JAK1: variants seen among roughly 807,000 people sequenced by gnomAD.
JAK1 encodes Janus kinase 1.
A neutral mutation model predicts 136.6 loss-of-function variants in JAK1; 16 were observed. That is an observed-to-expected ratio of 0.12 (90% CI 0.08 to 0.18). The LOEUF (loss-of-function observed/expected upper bound fraction) is 0.18. Among genes scored for constraint, JAK1 ranks in the 10% least tolerant of loss-of-function variants. JAK1 has a pLI of 1.00. For synonymous variants in JAK1, 492 were observed against 519.5 expected, an observed-to-expected ratio of 0.95 and a Z score of 0.72; for missense variants, 859 against 1,450.1, an observed-to-expected ratio of 0.59 and a Z score of 6.62.
intron 2 of JAK1, among the ~76,000 whole-genome samples, chr1:64,975,086 GT>G (rs111582090): frequency 4.4e-4 from 64 of 145,898 alleles, no homozygotes; most frequent in East Asian, 2.0e-3. Flanking sequence ...ATTTTGTATA[GT>G]TTTTTTTTTT....
In JAK1 at chr1:64,867,091, G is replaced by A; in HGVS notation, c.765C>T (p.Thr255=). 1 of 1,613,982 alleles carries A rather than the reference G, an allele frequency of 6.2e-7. No individual in the cohort carries two copies. Among genetic ancestry groups the A allele is most frequent in the East Asian group, 2.2e-5 (1 of 44,880 alleles). The change falls in exon 7 of 25, where the codon ACC becomes ACT. Residue 255 remains threonine (T), a synonymous_variant. Transcript: ENST00000342505. ...KDFLKEFNNK[T]ICDSSVSTHD... ...GCGTGGACACGCTGCTGTCACAAAT[G>A]GTCTTGTTGTTAAATTCCTTTAGGA... is the stretch of plus-strand genomic sequence containing the variant.
chr1:64,913,683 G>GGGAGAAAGGAAGGAAA (rs1645332535), intron 1 of JAK1, among the ~76,000 whole-genome samples: 5 of 38,026 alleles, frequency 1.3e-4, no homozygotes, highest in African/African-American at 4.1e-4. Context: ...AAGGAAGGAA[G>GGGAGAAAGGAAGGAAA]GAAGGAAGGA....
chr1:64,986,160 C>T, intron 2 of JAK1: 1 of 477,580 alleles, frequency 2.1e-6, no homozygotes, highest in Non-Finnish European at 3.7e-6. Context: ...GCCTGGAGTG[C>T]AGTGGGGCGA....
chr1:64,852,831 G>T (rs2780900), intron 11 of JAK1, among the ~76,000 whole-genome samples: 19,009 of 152,112 alleles, frequency 0.12, 1,471 homozygotes, highest in African/African-American at 0.21. Flanking sequence ...GCCCGGTATG[G>T]AGTAAAACGC....
At chr1:64,849,284 G>T (rs1655437985) in intron 12 of JAK1, among the ~76,000 whole-genome samples, 1 of 152,072 alleles carries the variant, frequency 6.6e-6, no homozygotes, top group South Asian at 2.1e-4. Context: ...CAAACTCCTG[G>T]CCTTATGCAA....
intron 2 of JAK1, among the ~76,000 whole-genome samples, chr1:64,975,304 T>C (rs1339887132): frequency 1.3e-5 from 2 of 152,192 alleles, no homozygotes; most frequent in Non-Finnish European, 2.9e-5. Context: ...CTGTCATTGG[T>C]ATGGAAAGCC....
intron 17 of JAK1, among the ~76,000 whole-genome samples, chr1:64,843,062 T>G (rs1655007775): frequency 6.6e-6 from 1 of 151,922 alleles, no homozygotes; most frequent in East Asian, 1.9e-4. Flanking sequence ...TCCAAGCCCC[T>G]CCCTCCTCCA....
chr1:65,043,285 G>A (rs1197976426), intron 2 of JAK1, among the ~76,000 whole-genome samples: 1 of 152,152 alleles, frequency 6.6e-6, no homozygotes, highest in Non-Finnish European at 1.5e-5. Flanking sequence ...TGGAGTCTCA[G>A]AGATATGAAG....
chr1:64,987,743 T>C (rs1396818338), intron 2 of JAK1: 1 of 152,218 alleles, frequency 6.6e-6, no homozygotes, highest in Non-Finnish European at 1.5e-5. Context: ...GGCAGACTTG[T>C]GGACAATGAC....
At chr1:64,865,088 G>C (rs1656612455) in intron 7 of JAK1, 116 bp from the exon 8 acceptor site, 1 of 766,138 alleles carries the variant, frequency 1.3e-6, no homozygotes, top group Non-Finnish European at 2.1e-6. Context: ...GAGAAAGCCA[G>C]CTCTTCTGGA....
At chr1:65,052,327 T>C (rs994608849) in intron 1 of JAK1, among the ~76,000 whole-genome samples, 7 of 152,044 alleles carry the variant, frequency 4.6e-5, no homozygotes, top group Non-Finnish European at 1.0e-4. Context: ...CAAAATGGAC[T>C]TTTGGTGCCT....
At position 64,846,705 on chromosome 1, in the gene JAK1, T is replaced by C. The variant is rs374267637; in HGVS notation, c.1931A>G (p.Gln644Arg). 10 of 1,614,090 alleles carry C rather than the reference T, an allele frequency of 6.2e-6. No individual in the cohort carries two copies. Among genetic ancestry groups the C allele is most frequent in the African/African-American group, 1.3e-5 (1 of 75,050 alleles). ...AFFEAASMMRQVSHKHIVYLY... is the reference protein window; with the variant it reads ...AFFEAASMMRRVSHKHIVYLY... ...GTACACGATGTGTTTGTGGGAGACC[T>C]GTCTCATCATGCTGGCTGCCTCGAA... Residue 644 changes from glutamine (Q) to arginine (R), a missense_variant, in exon 14 of 25, where the codon CAG becomes CGG. By Grantham distance (43) the Gln-to-Arg change is conservative (BLOSUM62 1). Transcript: ENST00000342505.
intron 2 of JAK1, among the ~76,000 whole-genome samples, chr1:65,001,801 C>T (rs1646760849): frequency 6.6e-6 from 1 of 151,286 alleles, no homozygotes; most frequent in African/African-American, 2.4e-5. Context: ...TAGCAGGAAC[C>T]CTAGCTTGGT....
At chr1:64,905,536 T>C (rs1199982679) in intron 1 of JAK1, among the ~76,000 whole-genome samples, 3 of 152,222 alleles carry the variant, frequency 2.0e-5, no homozygotes, top group Admixed American at 2.0e-4. Flanking sequence ...TGAAAGCAGA[T>C]ATTGTACAGT....
chr1:64,916,909 A>C (rs1645407374), intron 1 of JAK1, among the ~76,000 whole-genome samples: 1 of 152,046 alleles, frequency 6.6e-6, no homozygotes, highest in South Asian at 2.1e-4. Flanking sequence ...AAAAGAGATA[A>C]GAAAATTAAA....
chr1:65,000,066 C>T (rs1385558552), intron 2 of JAK1, among the ~76,000 whole-genome samples: 4 of 151,114 alleles, frequency 2.6e-5, no homozygotes, highest in African/African-American at 9.7e-5. Flanking sequence ...TCTTGGGTCA[C>T]TGCAACCTCT....
intron 1 of JAK1, chr1:64,942,320 T>G (rs1645904769): frequency 2.6e-5 from 4 of 152,218 alleles, no homozygotes; most frequent in Admixed American, 2.6e-4. Context: ...TGAACCACTT[T>G]GATACTCAAG....
At chr1:64,969,931 A>C (rs552756507), upstream of JAK1, among the ~76,000 whole-genome samples, 99 of 152,016 alleles carry the variant, frequency 6.5e-4, no homozygotes, top group African/African-American at 1.9e-3. Flanking sequence ...AGGAGTTCAA[A>C]ATGAGACCAG....
chr1:65,046,340 G>A (rs1647182966), intron 1 of JAK1, among the ~76,000 whole-genome samples: 1 of 152,188 alleles, frequency 6.6e-6, no homozygotes, highest in Non-Finnish European at 1.5e-5. Flanking sequence ...ACAAGCTGGA[G>A]GCCATGCCAA....
Sources: gnomAD v4.1 joint callset for allele counts (sites outside exome capture counted in the v4.1 genomes callset) on GRCh38, gnomAD v4.1.1 for gene constraint, MANE v1.5 for transcripts, NCBI Gene and HGNC (gene_info 2026-07-23, HGNC 2026-07-21) for gene names.